SGPP2: variants seen among roughly 807,000 people sequenced by gnomAD.
SGPP2 encodes the protein sphingosine 1-phosphate phosphohydrolase 2.
SGPP2 carries 30 observed loss-of-function variants against 33.9 expected under a neutral mutation model. That is an observed-to-expected ratio of 0.89 (90% CI 0.66 to 1.20). The LOEUF (loss-of-function observed/expected upper bound fraction) is 1.20. Ranked by LOEUF, SGPP2 falls within the 50% of genes most tolerant of loss-of-function variation. The pLI is 0.00. For synonymous variants in SGPP2, 233 were observed against 225.0 expected (o/e 1.04, Z -0.32); for missense variants, 458 against 532.1 (o/e 0.86, Z 1.37).
chr2:222,555,653 A>C (rs1689384586), intron 4 of SGPP2, among the ~76,000 whole-genome samples: 1 of 152,174 alleles, frequency 6.6e-6, no homozygotes, highest in Non-Finnish European at 1.5e-5. Context: ...TGTAAACTCG[A>C]GAGAAACACA....
chr2:222,485,565 A>G (rs1022130801), intron 2 of SGPP2, among the ~76,000 whole-genome samples: 2 of 152,218 alleles, frequency 1.3e-5, no homozygotes, highest in Admixed American at 1.3e-4. Flanking sequence ...TATTCTGTAA[A>G]GCAGCCAAGT....
chr2:222,452,698 A>T lies in SGPP2; in HGVS notation c.220-21870A>T, dbSNP rs1474035037. 5.8e-6 allele frequency: 8 copies of T among 1,375,282 alleles called. No homozygotes were observed. In the East Asian group the frequency reaches 1.6e-4, roughly 28 times the overall value. The allele number at this position is 1,375,282 out of a possible 1,614,324, so 85.2% of individuals were successfully genotyped here. A position where few individuals can be genotyped will look rare whatever the true frequency, so the allele number is the denominator to read the frequency against. On this transcript the variant is annotated intron_variant, in intron 1 of 4. Transcript: ENST00000321276. The stretch of plus-strand genomic sequence containing the variant: ...TTCAGGCTGTGGTTGCTGCAGCTTG[A>T]ATTGCTCCAGGTCTGGTTGCTCCAC...
chr2:222,471,513 T>A (rs1293455737), intron 1 of SGPP2, among the ~76,000 whole-genome samples: 1 of 152,124 alleles, frequency 6.6e-6, no homozygotes, highest in African/African-American at 2.4e-5. Flanking sequence ...CCCCAAATTG[T>A]GCTCTTCCCC....
At chr2:222,464,290 C>A (rs1697709875) in intron 1 of SGPP2, among the ~76,000 whole-genome samples, 2 of 152,170 alleles carry the variant, frequency 1.3e-5, no homozygotes, top group East Asian at 3.8e-4. Flanking sequence ...TATTTCTGTT[C>A]TTTGTATCGA....
rs1316233871 is a variant in SGPP2, at chr2:222,477,778, C to A, written c.378+3052C>A. ...GAAGACCTCTAGACTCTATAGAAGG[C>A]TGTGGCTAGGGGACACTCTCGTTGC... On this transcript the variant is annotated intron_variant, in intron 2 of 4. Transcript: ENST00000321276. This position sits in a 1 kb window ranked among gnomAD's most constrained non-coding sequence, Gnocchi z 6.0. Among the ~76,000 whole-genome samples, 3 of 152,080 alleles carry A rather than the reference C, an allele frequency of 2.0e-5. No individual in the cohort carries two copies. Among genetic ancestry groups the A allele is most frequent in the Admixed American group, 2.0e-4 (3 of 15,266 alleles).
chr2:222,433,009 G>A (rs922939076), intron 1 of SGPP2, among the ~76,000 whole-genome samples: 4 of 140,010 alleles, frequency 2.9e-5, no homozygotes, highest in African/African-American at 5.3e-5. Context: ...CAATAAGAGC[G>A]AAACTCTGAA....
At chr2:222,501,547 G>C (rs904405547) in intron 2 of SGPP2, among the ~76,000 whole-genome samples, 1 of 152,088 alleles carries the variant, frequency 6.6e-6, no homozygotes, top group Non-Finnish European at 1.5e-5. Context: ...TTAGGTGTTC[G>C]ATGTTAATGA....
intron 4 of SGPP2, among the ~76,000 whole-genome samples, chr2:222,552,824 C>A (rs949475459): frequency 6.6e-6 from 1 of 152,168 alleles, no homozygotes; most frequent in Non-Finnish European, 1.5e-5. Flanking sequence ...CACACCATTG[C>A]ACTCCAGCCT....
intron 4 of SGPP2, among the ~76,000 whole-genome samples, chr2:222,540,025 A>C (rs1198276941): frequency 2.0e-5 from 3 of 152,252 alleles, no homozygotes; most frequent in African/African-American, 4.8e-5. Flanking sequence ...AATGTTAAAC[A>C]CAAATATTTC....
intron 2 of SGPP2, among the ~76,000 whole-genome samples, chr2:222,520,803 C>T (rs1698674872): frequency 6.6e-6 from 1 of 151,542 alleles, no homozygotes. Context: ...GCCCAGGCTG[C>T]AGTGCAGTGG....
intron 2 of SGPP2, among the ~76,000 whole-genome samples, chr2:222,517,891 C>T (rs1698630025): frequency 6.6e-6 from 1 of 152,248 alleles, no homozygotes; most frequent in African/African-American, 2.4e-5. Flanking sequence ...CCCAGGTTCT[C>T]TGGCCATCCA....
chr2:222,451,182 A>G (rs181426029), intron 1 of SGPP2, among the ~76,000 whole-genome samples: 7 of 152,232 alleles, frequency 4.6e-5, no homozygotes, highest in East Asian at 1.9e-4. Flanking sequence ...TAACCAAACA[A>G]AACTCCCCAC....
chr2:222,477,646 G>T lies in SGPP2; in HGVS notation c.378+2920G>T, dbSNP rs1487175033. 6.6e-6 allele frequency among the ~76,000 whole-genome samples: 1 copy of T among 151,828 alleles called. No individual in the cohort carries two copies. Among genetic ancestry groups the T allele is most frequent in the African/African-American group, 2.4e-5 (1 of 41,282 alleles). On this transcript the variant is annotated intron_variant, in intron 2 of 4. Transcript: ENST00000321276. This position sits in a 1 kb window ranked among gnomAD's most constrained non-coding sequence, Gnocchi z 6.0. ...AAAACTTTAATAATTGTTGAGTGGG[G>T]CAGATGATGAGAAGTACATTACACA...
intron 2 of SGPP2, among the ~76,000 whole-genome samples, chr2:222,518,750 T>G (rs1204247510): frequency 1.3e-5 from 2 of 152,198 alleles, no homozygotes; most frequent in African/African-American, 4.8e-5. Flanking sequence ...GATTCGAAAT[T>G]GCAGCTATGG....
At chr2:222,461,675 AG>A (rs1304692030) in intron 1 of SGPP2, among the ~76,000 whole-genome samples, 2 of 152,062 alleles carry the variant, frequency 1.3e-5, no homozygotes, top group Non-Finnish European at 2.9e-5. Context: ...TGCACAGCCT[AG>A]ATCCCTCGCA....
intron 1 of SGPP2, among the ~76,000 whole-genome samples, chr2:222,473,313 T>C (rs1235071493): frequency 6.6e-6 from 1 of 152,228 alleles, no homozygotes; most frequent in African/African-American, 2.4e-5. Context: ...CCTTGCTTTC[T>C]TCCAGCTCCT....
intron 1 of SGPP2, 53 bp from the exon 2 acceptor site, chr2:222,474,515 A>G: frequency 6.4e-7 from 1 of 1,558,128 alleles, no homozygotes; most frequent in East Asian, 2.3e-5. Context: ...AGAGATGTTT[A>G]AAACTTGACA....
At chr2:222,509,306 A>G (rs1698490591) in intron 2 of SGPP2, among the ~76,000 whole-genome samples, 1 of 152,176 alleles carries the variant, frequency 6.6e-6, no homozygotes, top group Admixed American at 6.5e-5. Flanking sequence ...CATTGTATGC[A>G]TGTGTCAGAA....
chr2:222,527,013 C>A (rs1698768604), intron 4 of SGPP2, among the ~76,000 whole-genome samples: 1 of 152,094 alleles, frequency 6.6e-6, no homozygotes, highest in African/African-American at 2.4e-5. Context: ...ATCTCGAGAA[C>A]TCGGGTTAAA....
Sources: allele counts gnomAD v4.1 joint callset (sites outside exome capture counted in the v4.1 genomes callset), GRCh38; gene constraint gnomAD v4.1.1; non-coding constraint Gnocchi (gnomAD v3.1); transcripts MANE v1.5; gene names NCBI Gene and HGNC (gene_info 2026-07-23, HGNC 2026-07-21).